GPRIN3: variants seen among roughly 807,000 people sequenced by gnomAD.
GPRIN3 encodes the protein G protein-regulated inducer of neurite outgrowth 3.
A neutral mutation model predicts 13.7 loss-of-function variants in GPRIN3; 12 were observed. The observed-to-expected ratio is 0.87, with a 90% CI of 0.56 to 1.42. The LOEUF (loss-of-function observed/expected upper bound fraction) is 1.42, where lower values mean the gene tolerates loss of function less well. Ranked by LOEUF, GPRIN3 falls within the 40% of genes most tolerant of loss-of-function variation. GPRIN3 has a pLI of 0.00. For missense variants in GPRIN3, 1,009 were observed against 958.7 expected (o/e 1.05, Z -0.69); for synonymous variants, 377 against 372.7 (o/e 1.01, Z -0.13).
intron 1 of GPRIN3, among the ~76,000 whole-genome samples, chr4:89,280,601 C>T (rs973804435): frequency 7.9e-5 from 12 of 152,124 alleles, no homozygotes; most frequent in Non-Finnish European, 1.3e-4. Context: ...GGACACTGTC[C>T]CCTAAAATTC....
chr4:89,288,469 T>A (rs764797839), intron 1 of GPRIN3, among the ~76,000 whole-genome samples: 1 of 152,218 alleles, frequency 6.6e-6, no homozygotes, highest in Non-Finnish European at 1.5e-5. Flanking sequence ...TGCAAACTTC[T>A]GGAGTGAAAT....
Position 89,249,106 on chromosome 4 carries a change from G to A in GPRIN3, c.1005C>T (p.Thr335=). 1 of 1,614,176 alleles carries A rather than the reference G, an allele frequency of 6.2e-7. No individual in the cohort carries two copies. Among genetic ancestry groups the A allele is most frequent in the Non-Finnish European group, 8.5e-7 (1 of 1,180,034 alleles). The part of the protein sequence containing the change: ...VASVESRSVS[T]SPSILTAFLK... ...GAAATGCAGTGAGGATACTGGGGCT[G>A]GTGGAGACGGATCTGCTCTCGACAC... The change falls in exon 2 of 2, where the codon ACC becomes ACT. Residue 335 remains threonine, a synonymous_variant. Coordinates refer to ENST00000609438, the MANE Select transcript of GPRIN3 (RefSeq NM_198281.3).
intron 1 of GPRIN3, among the ~76,000 whole-genome samples, chr4:89,305,339 C>G (rs923924610): frequency 6.6e-6 from 1 of 152,184 alleles, no homozygotes; most frequent in African/African-American, 2.4e-5. Flanking sequence ...TCCACAGCAC[C>G]CTGTCAGGGC....
chr4:89,305,858 C>T (rs891843160), intron 1 of GPRIN3, among the ~76,000 whole-genome samples: 4 of 152,224 alleles, frequency 2.6e-5, no homozygotes, highest in Non-Finnish European at 5.9e-5. Flanking sequence ...CTGACTCATA[C>T]AACGCCTCAG....
intron 1 of GPRIN3, among the ~76,000 whole-genome samples, chr4:89,279,637 C>G (rs1318049124): frequency 3.9e-5 from 6 of 152,240 alleles, no homozygotes; most frequent in Non-Finnish European, 7.3e-5. Flanking sequence ...TTGGCCAAAA[C>G]AAATGAACAC....
In GPRIN3 at chr4:89,250,200, A is replaced by G; in HGVS notation, c.-90T>C. On this transcript the variant is annotated 5_prime_UTR_variant, in exon 2 of 2. Transcript: ENST00000609438. ...AGCGCAGTCAGAGCTCAGAGTGATG[A>G]CACAGTCAGGGATGATTCCTCTGAA... 1.3e-6 allele frequency: 2 copies of G among 1,521,182 alleles called. No individual in the cohort carries two copies. 94.2% of individuals were successfully genotyped at this position (1,521,182 alleles called of 1,614,324 possible).
rs144238504 is a variant in GPRIN3, at chr4:89,288,887, A to G, written c.-124+18728T>C. Among the ~76,000 whole-genome samples the G allele has an allele frequency of 7.7e-3, 1,177 of 152,216 alleles. 18 individuals carry two copies. Among genetic ancestry groups the G allele is most frequent in the African/African-American group, 0.027 (1,122 of 41,522 alleles). Reference sequence around the variant, plus strand: ...CTGTCGCTTATTTACTCTCCACAACAAGCCCACAGGCAGGCATTAGTTTTT... The same window carrying G: ...CTGTCGCTTATTTACTCTCCACAACGAGCCCACAGGCAGGCATTAGTTTTT... On this transcript the variant is annotated intron_variant, in intron 1 of 1. Coordinates refer to ENST00000609438, the MANE Select transcript of GPRIN3 (RefSeq NM_198281.3).
At chr4:89,253,377 T>C (rs1723383400) in intron 1 of GPRIN3, among the ~76,000 whole-genome samples, 2 of 152,208 alleles carry the variant, frequency 1.3e-5, no homozygotes, top group Non-Finnish European at 2.9e-5. Flanking sequence ...TGGTGTTATC[T>C]TACTTATTAA....
At position 89,247,675 on chromosome 4, in the gene GPRIN3, G is replaced by A. The variant is rs1723140729; in HGVS notation, c.*105C>T. 2 of 1,189,266 alleles carry A rather than the reference G, an allele frequency of 1.7e-6. No individual in the cohort carries two copies. The highest frequency in any genetic ancestry group is 2.4e-5 in the East Asian group (1 of 42,204). The allele number at this position is 1,189,266 out of a possible 1,614,324, so 73.7% of individuals were successfully genotyped here. Reference sequence around the variant, plus strand: ...TAGCAATTTCCTATAGTGAATACTTGCTTTTTCTTCCTAGTCTTGCAGCAA... The same window carrying A: ...TAGCAATTTCCTATAGTGAATACTTACTTTTTCTTCCTAGTCTTGCAGCAA... On this transcript the variant is annotated 3_prime_UTR_variant, in exon 2 of 2. Coordinates refer to ENST00000609438, the MANE Select transcript of GPRIN3 (RefSeq NM_198281.3).
intron 1 of GPRIN3, among the ~76,000 whole-genome samples, chr4:89,251,714 AT>A (rs1561186612): frequency 6.6e-6 from 1 of 152,230 alleles, no homozygotes; most frequent in African/African-American, 2.4e-5. Context: ...ATACATTTTC[AT>A]TTTTGTAAAA....
intron 1 of GPRIN3, among the ~76,000 whole-genome samples, chr4:89,276,711 G>GT (rs1724103779): frequency 6.6e-6 from 1 of 152,224 alleles, no homozygotes; most frequent in Non-Finnish European, 1.5e-5. Context: ...ACAGTACAGT[G>GT]TTTCCCAGTC....
intron 1 of GPRIN3, among the ~76,000 whole-genome samples, chr4:89,287,674 C>T (rs1724460498): frequency 6.6e-6 from 1 of 152,136 alleles, no homozygotes; most frequent in East Asian, 1.9e-4. Context: ...TATGAATAGA[C>T]TTCAATGCCA....
At position 89,248,981 on chromosome 4, in the gene GPRIN3, A is replaced by T; in HGVS notation, c.1130T>A (p.Leu377Gln). The T allele has an allele frequency of 1.2e-6, 2 of 1,614,182 alleles. No individual in the cohort carries two copies. The highest frequency in any genetic ancestry group is 1.7e-6 in the Non-Finnish European group (2 of 1,180,018). ...GCACTGGCTGGACTCCTGGGGGGCTAGCGTGCTGTCAGAGAGCTCCAGTGT... is the reference window on the plus strand; with the variant it reads ...GCACTGGCTGGACTCCTGGGGGGCTTGCGTGCTGTCAGAGAGCTCCAGTGT... ...SHTLELSDST[L>Q]APQESSQCPG... Residue 377 changes from leucine (L) to glutamine (Q), a missense_variant, in exon 2 of 2, where the codon CTA becomes CAA. Coordinates refer to ENST00000609438, the MANE Select transcript of GPRIN3 (RefSeq NM_198281.3).
At chr4:89,293,886 T>C (rs1724658633) in intron 1 of GPRIN3, among the ~76,000 whole-genome samples, 1 of 152,260 alleles carries the variant, frequency 6.6e-6, no homozygotes, top group Admixed American at 6.5e-5. Context: ...CATTAAATCT[T>C]TTCTATTCAG....
chr4:89,306,692 T>C (rs1452856373), intron 1 of GPRIN3, among the ~76,000 whole-genome samples: 1 of 152,148 alleles, frequency 6.6e-6, no homozygotes, highest in Non-Finnish European at 1.5e-5. Context: ...CCTTGCCTTT[T>C]GCCCACCTCC....
At chr4:89,288,087 A>T (rs893221814) in intron 1 of GPRIN3, among the ~76,000 whole-genome samples, 1 of 152,222 alleles carries the variant, frequency 6.6e-6, no homozygotes, top group South Asian at 2.1e-4. Flanking sequence ...GCCCGTGCAG[A>T]TCACAGAATC....
In GPRIN3 at chr4:89,288,842, A is replaced by G. The variant is rs141938975; in HGVS notation, c.-124+18773T>C. 1.6e-4 allele frequency among the ~76,000 whole-genome samples: 25 copies of G among 152,308 alleles called. No individual in the cohort carries two copies. The East Asian group carries it at 4.4e-3, about 27-fold the overall frequency. On this transcript the variant is annotated intron_variant, in intron 1 of 1. Coordinates refer to ENST00000609438, the MANE Select transcript of GPRIN3 (RefSeq NM_198281.3). ...GTACGAATAATAGCTCCTCCTGTGT[A>G]TAAGAGATGGCACTCAGCACTGTCG...
rs114960901 is a variant in GPRIN3, at chr4:89,248,864, C to A, written c.1247G>T (p.Gly416Val). The A allele has an allele frequency of 1.5e-3, 2,483 of 1,614,144 alleles. 28 individuals carry two copies. The African/African-American group carries it at 0.029, about 19-fold the overall frequency. Reference protein sequence around the residue: ...RENKLASLPGGVLKTSSINLV... With the variant: ...RENKLASLPGVVLKTSSINLV... ...ATTGATTGATGAGGTTTTAAGGACC[C>A]CACCTGGTAGGCTCGCAAGTTTATT... Residue 416 changes from glycine to valine, a missense_variant, in exon 2 of 2, where the codon GGG becomes GTG. Gly to Val is a moderately radical substitution (Grantham distance 109, BLOSUM62 -3). Transcript: ENST00000609438.
intron 1 of GPRIN3, among the ~76,000 whole-genome samples, chr4:89,283,755 G>A (rs1242786627): frequency 2.0e-5 from 3 of 152,174 alleles, no homozygotes; most frequent in African/African-American, 7.2e-5. Flanking sequence ...CATTTCAGGT[G>A]CATATGGACA....
Sources: allele counts gnomAD v4.1 joint callset (sites outside exome capture counted in the v4.1 genomes callset), GRCh38; gene constraint gnomAD v4.1.1; transcripts MANE v1.5; gene names NCBI Gene and HGNC (gene_info 2026-07-23, HGNC 2026-07-21).